The following C1orf50 variants were observed in gnomAD, a reference collection of about 807,000 sequenced individuals.
C1orf50 encodes the protein chromosome 1 open reading frame 50, also known as uncharacterized protein C1orf50.
In C1orf50, 22 loss-of-function variants were observed where a neutral mutation model predicts 23.3. That is an observed-to-expected ratio of 0.94 (90% CI 0.67 to 1.35). The LOEUF is 1.35. Among genes scored for constraint, C1orf50 ranks in the 40% most tolerant of loss-of-function variants. The pLI is 0.00. For missense variants in C1orf50, 271 were observed against 249.4 expected (o/e 1.09, Z -0.58); for synonymous variants, 96 against 102.4 (o/e 0.94, Z 0.38).
At chr1:42,770,463 G>A (rs1557584310) in intron 2 of C1orf50, among the ~76,000 whole-genome samples, 1 of 146,424 alleles carries the variant, frequency 6.8e-6, no homozygotes, top group Admixed American at 6.9e-5. Flanking sequence ...ATGGAGTTTC[G>A]CTCTTGTTGC....
chr1:42,772,331 A>G (rs1309783312), intron 2 of C1orf50, among the ~76,000 whole-genome samples: 2 of 152,182 alleles, frequency 1.3e-5, no homozygotes, highest in African/African-American at 2.4e-5. Flanking sequence ...TTCTAGTTTA[A>G]TCTCCTCATT....
rs975995307 is a variant in C1orf50, at chr1:42,774,734, T to C, written c.283-3T>C. The C allele has an allele frequency of 6.2e-7, 1 of 1,604,134 alleles. No individual in the cohort carries two copies. The highest frequency in any genetic ancestry group is 2.2e-5 in the East Asian group (1 of 44,660). On this transcript the variant is annotated splice_region_variant and splice_polypyrimidine_tract_variant and intron_variant, in intron 3 of 4. Transcript: ENST00000372525. ...TAATTTGTTACATATCTGTGATTCA[T>C]AGGTACTGGAAGATGCTCACAGAGA...
chr1:42,769,527 C>T (rs1653170731), intron 2 of C1orf50, among the ~76,000 whole-genome samples: 1 of 150,010 alleles, frequency 6.7e-6, no homozygotes, highest in Non-Finnish European at 1.5e-5. Flanking sequence ...GCCTGGGTGA[C>T]AGAGCAAGTC....
rs1380635635 is a variant in C1orf50 at position 42,774,762 on chromosome 1, C to T, written c.308C>T (p.Ala103Val). ...RKVLEDAHRDANLHHVACNIV... is the reference protein window; with the variant it reads ...RKVLEDAHRDVNLHHVACNIV... The stretch of plus-strand genomic sequence containing the variant: ...GTACTGGAAGATGCTCACAGAGATG[C>T]CAACCTGCACCATGTAGCTTGTAAT... Residue 103 changes from alanine (A) to valine (V), a missense_variant, in exon 4 of 5, where the codon GCC becomes GTC. Coordinates refer to ENST00000372525, the MANE Select transcript of C1orf50 (RefSeq NM_024097.4). 2 of 1,612,130 alleles carry T rather than the reference C, an allele frequency of 1.2e-6. No individual in the cohort carries two copies. Among genetic ancestry groups the T allele is most frequent in the Non-Finnish European group, 1.7e-6 (2 of 1,178,516 alleles).
intron 2 of C1orf50, among the ~76,000 whole-genome samples, chr1:42,770,422 CCTTT>C (rs1199697289): frequency 6.6e-6 from 1 of 151,674 alleles, no homozygotes; most frequent in Non-Finnish European, 1.5e-5. Flanking sequence ...TATGGCTCCT[CCTTT>C]CTTTCTTTCT....
rs1425722735 is a variant in C1orf50, at chr1:42,775,314, A to G, written c.520A>G (p.Ser174Gly). ...CATTGAGAAGCAAGATGCTAAAATC[A>G]GCATGATGGACACGTTGCTAAGCCA... Reference protein sequence around the residue: ...EDIEKQDAKISMMDTLLSQSV... With the variant: ...EDIEKQDAKIGMMDTLLSQSV... Residue 174 changes from serine (S) to glycine (G), a missense_variant, in exon 5 of 5, where the codon AGC (serine) becomes GGC (glycine). Transcript: ENST00000372525. 2 of 1,613,326 alleles carry G rather than the reference A, an allele frequency of 1.2e-6. No individual in the cohort carries two copies. The highest frequency in any genetic ancestry group is 2.2e-5 in the South Asian group (2 of 91,042).
chr1:42,770,210 TTTTG>T (rs1479495262), intron 2 of C1orf50, among the ~76,000 whole-genome samples: 2 of 152,188 alleles, frequency 1.3e-5, no homozygotes, highest in East Asian at 1.9e-4. Flanking sequence ...TTTGCATTTT[TTTTG>T]TTTGTTTCTT....
At chr1:42,773,878 A>G (rs1214211400) in intron 3 of C1orf50, among the ~76,000 whole-genome samples, 1 of 152,210 alleles carries the variant, frequency 6.6e-6, no homozygotes, top group Admixed American at 6.5e-5. Flanking sequence ...GCTGGAGTGC[A>G]GTGGCATGGT....
Position 42,778,117 on chromosome 1 carries a change from T to C in C1orf50, c.*2723T>C, listed in dbSNP as rs1653375119. ...GGGAAGGGCTAGTGGCAATGTGAGG[T>C]GATTTGGGGCACCTCAGAATGGGAA... is the stretch of plus-strand genomic sequence containing the variant. On this transcript the variant is annotated 3_prime_UTR_variant, in exon 5 of 5. Coordinates refer to ENST00000372525, the MANE Select transcript of C1orf50 (RefSeq NM_024097.4). 1 of 151,934 alleles carries C rather than the reference T, an allele frequency of 6.6e-6. No homozygotes were observed. The highest frequency in any genetic ancestry group is 1.5e-5 in the Non-Finnish European group (1 of 67,992). 9.4% of individuals were successfully genotyped at this position (151,934 alleles called of 1,614,324 possible). A position where few individuals can be genotyped will look rare whatever the true frequency, so the allele number is the denominator to read the frequency against.
intron 2 of C1orf50, 186 bp from the exon 3 acceptor site, chr1:42,773,377 G>GGTC: frequency 2.1e-6 from 1 of 473,256 alleles, no homozygotes; most frequent in Admixed American, 3.8e-5. Context: ...ATGTCAGGGT[G>GGTC]GCCTTCTCAT....
intron 2 of C1orf50, among the ~76,000 whole-genome samples, chr1:42,768,284 T>C (rs1653131756): frequency 6.6e-6 from 1 of 152,212 alleles, no homozygotes; most frequent in Non-Finnish European, 1.5e-5. Context: ...AGGTTTGAAG[T>C]AGTAGAGCTC....
At position 42,773,672 on chromosome 1, in the gene C1orf50, G is replaced by A. The variant is rs774205696; in HGVS notation, c.282+23G>A. On this transcript the variant is annotated intron_variant, in intron 3 of 4. Coordinates refer to ENST00000372525, the MANE Select transcript of C1orf50 (RefSeq NM_024097.4). ...AAGGTAAGGAATGACTGTTAGACAG[G>A]CTTTCATTTTCTTTATTTAGTTCTC... 4 of 1,524,674 alleles carry A rather than the reference G, an allele frequency of 2.6e-6. No individual in the cohort carries two copies. The South Asian group carries it at 3.4e-5, about 13-fold the overall frequency. The allele number at this position is 1,524,674 out of a possible 1,614,324, so 94.4% of individuals were successfully genotyped here. A position where few individuals can be genotyped will look rare whatever the true frequency, so the allele number is the denominator to read the frequency against.
At chr1:42,775,128 G>T in intron 4 of C1orf50, 81 bp from the exon 5 acceptor site, 2 of 1,342,294 alleles carry the variant, frequency 1.5e-6, no homozygotes, top group South Asian at 1.4e-5. Flanking sequence ...AGCCAAAAAA[G>T]AGATTGTGGC....
At chr1:42,771,647 A>T (rs1176147886) in intron 2 of C1orf50, among the ~76,000 whole-genome samples, 1 of 152,230 alleles carries the variant, frequency 6.6e-6, no homozygotes, top group Admixed American at 6.5e-5. Context: ...TAGTGATTAC[A>T]TGTTAAAATG....
chr1:42,778,446 C>G lies in C1orf50; in HGVS notation c.*3052C>G, dbSNP rs939351443. 2.2e-4 allele frequency: 33 copies of G among 152,282 alleles called. No individual in the cohort carries two copies. In the East Asian group the frequency reaches 3.1e-3, roughly 14 times the overall value. 9.4% of individuals were successfully genotyped at this position (152,282 alleles called of 1,614,324 possible). A position where few individuals can be genotyped will look rare whatever the true frequency, so the allele number is the denominator to read the frequency against. ...AGACACTTGGAGGAGCTGATGCCTG[C>G]TTGGTGTTGAAAACCATACAAGTTA... On this transcript the variant is annotated 3_prime_UTR_variant, in exon 5 of 5. Transcript: ENST00000372525.
At chr1:42,772,806 C>T (rs1653250480) in intron 2 of C1orf50, among the ~76,000 whole-genome samples, 1 of 151,924 alleles carries the variant, frequency 6.6e-6, no homozygotes, top group Admixed American at 6.6e-5. Context: ...CCATTGCCTT[C>T]AGTTGCACTT....
rs937679440 is a variant in C1orf50, at chr1:42,777,012, T to C, written c.*1618T>C. 2 of 152,232 alleles carry C rather than the reference T, an allele frequency of 1.3e-5. No homozygotes were observed. The highest frequency in any genetic ancestry group is 4.8e-5 in the African/African-American group (2 of 41,462). The allele number at this position is 152,232 out of a possible 1,614,324, so 9.4% of individuals were successfully genotyped here. On this transcript the variant is annotated 3_prime_UTR_variant, in exon 5 of 5. Coordinates refer to ENST00000372525, the MANE Select transcript of C1orf50 (RefSeq NM_024097.4). The stretch of plus-strand genomic sequence containing the variant: ...ACCCTGGAAGGCTGAAATCAAGTTA[T>C]TGGTCAGGGCTGTTCTTATCTGAAG...
chr1:42,774,649 T>C (rs1653296078), intron 3 of C1orf50, 88 bp from the exon 4 acceptor site: 7 of 1,455,268 alleles, frequency 4.8e-6, no homozygotes, highest in Non-Finnish European at 5.6e-6. Flanking sequence ...AAGCACTGAA[T>C]GGTTTCCAAA....
intron 2 of C1orf50, among the ~76,000 whole-genome samples, chr1:42,772,607 C>G (rs1023442060): frequency 1.3e-5 from 2 of 152,056 alleles, no homozygotes; most frequent in African/African-American, 4.8e-5. Flanking sequence ...ATGGTGAAAC[C>G]CTGCCTCTAC....
Sources: allele counts gnomAD v4.1 joint callset (sites outside exome capture counted in the v4.1 genomes callset), GRCh38; gene constraint gnomAD v4.1.1; transcripts MANE v1.5; gene names NCBI Gene and HGNC (gene_info 2026-07-23, HGNC 2026-07-21).